The following VIRMA variants were observed in gnomAD, a reference collection of about 807,000 sequenced individuals.
The protein encoded by VIRMA is vir like m6A methyltransferase associated.
Under a neutral mutation model 182.4 loss-of-function variants are expected in VIRMA, and 65 were observed. The ratio of observed to expected loss-of-function variants is 0.36; its 90% CI spans 0.29 to 0.44. The LOEUF (loss-of-function observed/expected upper bound fraction) is 0.44. Ranked by LOEUF, VIRMA falls within the 20% of genes least tolerant of loss-of-function variation. VIRMA has a pLI of 1.00. For synonymous variants in VIRMA, 709 were observed against 743.1 expected, an observed-to-expected ratio of 0.95 and a Z score of 0.75; for missense variants, 1,752 against 2,158.1, an observed-to-expected ratio of 0.81 and a Z score of 3.73.
chr8:94,515,885 C>T (rs749613729), intron 10 of VIRMA, among the ~76,000 whole-genome samples: 21 of 151,716 alleles, frequency 1.4e-4, no homozygotes, highest in Non-Finnish European at 2.5e-4. Flanking sequence ...ATCACGAGAT[C>T]GACAGATGGA....
intron 1 of VIRMA, chr8:94,546,858 TTAC>T (rs1311059991): frequency 2.2e-6 from 1 of 453,900 alleles, no homozygotes; most frequent in South Asian, 1.6e-5. Flanking sequence ...TCCCCTGATC[TTAC>T]TGTTGCCAAG....
intron 11 of VIRMA, among the ~76,000 whole-genome samples, chr8:94,514,142 C>T (rs1041654412): frequency 2.0e-5 from 3 of 152,186 alleles, no homozygotes; most frequent in Admixed American, 6.5e-5. Flanking sequence ...CACACACTCA[C>T]GCACAGATTT....
chr8:94,489,838 G>A (rs1813554863), intron 23 of VIRMA, 101 bp downstream of exon 23: 5 of 1,289,182 alleles, frequency 3.9e-6, no homozygotes, highest in South Asian at 1.5e-5. Context: ...AGGAGATGGG[G>A]AGATTAGCAC....
chr8:94,490,185 T>C (rs752642950), intron 22 of VIRMA, 103 bp from the exon 23 acceptor site: 15 of 1,321,772 alleles, frequency 1.1e-5, no homozygotes, highest in Non-Finnish European at 1.5e-5. Context: ...GAAAAGAAAC[T>C]GAAATTCTGC....
Position 94,526,958 on chromosome 8 carries a change from C to G in VIRMA, c.1286G>C (p.Gly429Ala). 1 of 1,614,178 alleles carries G rather than the reference C, an allele frequency of 6.2e-7. No individual in the cohort carries two copies. The change falls in exon 8 of 24, where the codon GGC becomes GCC. Residue 429 changes from glycine to alanine, a missense_variant. Around this residue, in one of 11 missense-constraint regions of VIRMA, gnomAD observed 401 missense variants for 455.1 expected, o/e 0.88. Transcript: ENST00000297591. Reference protein sequence around the residue: ...QLKNTKQDSLGQLVDWTMQAL... With the variant: ...QLKNTKQDSLAQLVDWTMQAL... ...TTGCATGGTCCAGTCTACCAACTGG[C>G]CAAGGGAGTCTTGTTTTGTGTTTTT...
At chr8:94,533,192 T>C (rs544696151) in intron 5 of VIRMA, among the ~76,000 whole-genome samples, 1 of 132,046 alleles carries the variant, frequency 7.6e-6, no homozygotes, top group Admixed American at 7.4e-5. Flanking sequence ...CACAGAAAAA[T>C]GAAGGACTGA....
At chr8:94,521,560 A>C (rs79848418) in intron 8 of VIRMA, among the ~76,000 whole-genome samples, 4 of 152,174 alleles carry the variant, frequency 2.6e-5, no homozygotes, top group African/African-American at 9.7e-5. Context: ...TAAGAATATC[A>C]TAATTTTCTG....
chr8:94,503,379 G>A (rs1430124859), intron 16 of VIRMA, among the ~76,000 whole-genome samples: 15 of 152,178 alleles, frequency 9.9e-5, no homozygotes, highest in Non-Finnish European at 2.2e-4. Flanking sequence ...CTTATATGAT[G>A]CACTGAAAAA....
rs755850991 is a variant in VIRMA at position 94,516,370 on chromosome 8, T to C, written c.2668+1418A>G. On this transcript the variant is annotated intron_variant, in intron 10 of 23. Coordinates refer to ENST00000297591, the MANE Select transcript of VIRMA (RefSeq NM_015496.5). ...AAAGAATGACAGCAAACTTTGTTTA[T>C]AGAATAAACACAAATACAATCTGCC... Among the ~76,000 whole-genome samples the C allele has an allele frequency of 2.0e-5, 3 of 152,166 alleles. No homozygotes were observed. In the South Asian group the frequency reaches 6.2e-4, roughly 31 times the overall value.
intron 15 of VIRMA, among the ~76,000 whole-genome samples, chr8:94,508,106 T>C (rs1814235249): frequency 6.6e-6 from 1 of 152,126 alleles, no homozygotes; most frequent in African/African-American, 2.4e-5. Context: ...TGAATTTTTT[T>C]TTGAGACGAA....
intron 5 of VIRMA, among the ~76,000 whole-genome samples, chr8:94,533,085 C>G (rs1487888879): frequency 6.6e-6 from 1 of 151,590 alleles, no homozygotes; most frequent in Non-Finnish European, 1.5e-5. Flanking sequence ...GTAACCACTA[C>G]ATATGTCAGA....
intron 20 of VIRMA, among the ~76,000 whole-genome samples, chr8:94,494,521 A>G (rs11784188): frequency 0.31 from 44,973 of 146,164 alleles, 6,895 homozygotes; most frequent in South Asian, 0.47. Context: ...GAACCCGGGA[A>G]ACGGAGGTTG....
chr8:94,518,808 G>C (rs1231992781), intron 9 of VIRMA, among the ~76,000 whole-genome samples, 177 bp downstream of exon 9: 1 of 152,140 alleles, frequency 6.6e-6, no homozygotes, highest in African/African-American at 2.4e-5. Context: ...TTACTTTATA[G>C]CCACATCTTA....
At chr8:94,511,949 T>A in intron 12 of VIRMA, 47 bp downstream of exon 12, 4 of 1,078,482 alleles carry the variant, frequency 3.7e-6, no homozygotes, top group Middle Eastern at 2.1e-4. Context: ...ATGATATTTA[T>A]TCTAGGCTTA....
chr8:94,541,549 T>C (rs1815554227), intron 2 of VIRMA, among the ~76,000 whole-genome samples: 1 of 152,172 alleles, frequency 6.6e-6, no homozygotes, highest in Admixed American at 6.5e-5. Context: ...TGGCTCTTTT[T>C]TCTTTTTTTT....
intron 1 of VIRMA, among the ~76,000 whole-genome samples, chr8:94,545,498 T>C (rs2130392719): frequency 6.6e-6 from 1 of 152,352 alleles, no homozygotes; most frequent in African/African-American, 2.4e-5. Context: ...CTACCAGTTG[T>C]TAAATATTTA....
In VIRMA at chr8:94,527,002, C is replaced by A. The variant is rs529672065; in HGVS notation, c.1242G>T (p.Gly414=). The stretch of plus-strand genomic sequence containing the variant: ...TGTTTTTCAATTGCAAATAGCTTAA[C>A]CCTTTTATTATTAAACTTGGAATTT... ...LEEIPSLIIK[G]LSYLQLKNTK... The change falls in exon 8 of 24, where the codon GGG becomes GGT. Residue 414 remains glycine (G), a synonymous_variant. Coordinates refer to ENST00000297591, the MANE Select transcript of VIRMA (RefSeq NM_015496.5). 9.9e-6 allele frequency: 16 copies of A among 1,614,142 alleles called. No individual in the cohort carries two copies. Among genetic ancestry groups the A allele is most frequent in the South Asian group, 9.9e-5 (9 of 91,080 alleles).
Position 94,526,862 on chromosome 8 carries a change from T to C in VIRMA, c.1382A>G (p.Lys461Arg). ...ACATTCTGCTAGTGAGGACACTAAT[T>C]TGGTCCCAGCTTTGAGCTGTCGAAC... is the stretch of plus-strand genomic sequence containing the variant. ...LNVRQLKAGT[K>R]LVSSLAECGA... Residue 461 changes from lysine to arginine, a missense_variant, in exon 8 of 24, where the codon AAA becomes AGA. Transcript: ENST00000297591. 6.2e-7 allele frequency: 1 copy of C among 1,614,212 alleles called. No individual in the cohort carries two copies. The highest frequency in any genetic ancestry group is 1.1e-5 in the South Asian group (1 of 91,086).
chr8:94,516,752 T>A (rs996449055), intron 10 of VIRMA, among the ~76,000 whole-genome samples: 5 of 152,226 alleles, frequency 3.3e-5, no homozygotes. Context: ...CCTCCTTTTA[T>A]AAACGCATTC....
Sources: allele counts gnomAD v4.1 joint callset (sites outside exome capture counted in the v4.1 genomes callset), GRCh38; gene constraint gnomAD v4.1.1; regional missense constraint gnomAD v4.1.1; transcripts MANE v1.5; gene names NCBI Gene and HGNC (gene_info 2026-07-23, HGNC 2026-07-21).